TMOD1: variants seen among roughly 807,000 people sequenced by gnomAD.
TMOD1 encodes tropomodulin-1.
TMOD1 carries 17 observed loss-of-function variants against 40.6 expected under a neutral mutation model. The ratio of observed to expected loss-of-function variants is 0.42; its 90% CI spans 0.29 to 0.63. The LOEUF is 0.63. TMOD1 is among the 20% of genes least tolerant of loss of function. The pLI, the probability that TMOD1 is intolerant of heterozygous loss-of-function variation, is 0.22. For synonymous variants in TMOD1, 181 were observed against 175.0 expected, an observed-to-expected ratio of 1.03 and a Z score of -0.27; for missense variants, 391 against 447.6, an observed-to-expected ratio of 0.87 and a Z score of 1.14.
At chr9:97,560,179 T>C (rs993819397) in intron 4 of TMOD1, among the ~76,000 whole-genome samples, 6 of 152,040 alleles carry the variant, frequency 3.9e-5, no homozygotes, top group African/African-American at 1.5e-4. Context: ...AATACCGTAT[T>C]CAGGGAGAGG....
At position 97,557,188 on chromosome 9, in the gene TMOD1, G is replaced by A. The variant is rs1192935165; in HGVS notation, c.397+3788G>A. On this transcript the variant is annotated intron_variant, in intron 4 of 9. Coordinates refer to ENST00000259365, the MANE Select transcript of TMOD1 (RefSeq NM_003275.4). This position sits in a 1 kb window ranked among gnomAD's most constrained non-coding sequence, Gnocchi z 4.4. ...TTAAAATCTTTTATCACTTCAACAT[G>A]TAGATTTCAACATTAAAAGCGTCCC... Among the ~76,000 whole-genome samples, 3 of 152,122 alleles carry A rather than the reference G, an allele frequency of 2.0e-5. No individual in the cohort carries two copies. Among genetic ancestry groups the A allele is most frequent in the Non-Finnish European group, 1.5e-5 (1 of 68,026 alleles).
At chr9:97,545,105 C>T (rs1007504289) in intron 2 of TMOD1, among the ~76,000 whole-genome samples, 16 of 152,158 alleles carry the variant, frequency 1.1e-4, no homozygotes, top group African/African-American at 3.4e-4. Context: ...CCCATACCAG[C>T]CACCCATGTA....
At position 97,553,344 on chromosome 9, in the gene TMOD1, C is replaced by T. The variant is rs760447981; in HGVS notation, c.341C>T (p.Pro114Leu). ...DPVLESVTLE[P>L]ELEEALANAS... is the part of the protein sequence containing the mutation. ...GTGCTGGAAAGTGTGACGCTGGAACCGGAGCTGGAGGAAGCCTTGGCAAAT... is the reference window on the plus strand; with the variant it reads ...GTGCTGGAAAGTGTGACGCTGGAACTGGAGCTGGAGGAAGCCTTGGCAAAT... The change falls in exon 4 of 10, where the codon CCG (proline) becomes CTG (leucine). Residue 114 changes from proline (P) to leucine (L), a missense_variant. Coordinates refer to ENST00000259365, the MANE Select transcript of TMOD1 (RefSeq NM_003275.4). 15 of 1,614,060 alleles carry T rather than the reference C, an allele frequency of 9.3e-6. No individual in the cohort carries two copies. Among genetic ancestry groups the T allele is most frequent in the African/African-American group, 2.7e-5 (2 of 74,914 alleles).
At chr9:97,508,246 TGGG>T (rs939993287) in intron 1 of TMOD1, among the ~76,000 whole-genome samples, 6 of 152,068 alleles carry the variant, frequency 3.9e-5, no homozygotes, top group African/African-American at 1.2e-4. Context: ...TGGAGGGCAG[TGGG>T]GCGATCTCAG....
At chr9:97,584,392 A>G (rs1407617873) in intron 8 of TMOD1, among the ~76,000 whole-genome samples, 2 of 150,842 alleles carry the variant, frequency 1.3e-5, no homozygotes, top group Non-Finnish European at 3.0e-5. Context: ...CTGTTCTTTT[A>G]CATTTGCTGA....
chr9:97,564,102 G>A lies in TMOD1; in HGVS notation c.552G>A (p.Glu184=). Reference sequence around the variant, plus strand: ...AAGAACCAAATTCAACAGACGTAGAGGAAACGCTGGAACGGATAAAGAACA... The same window carrying A: ...AAGAACCAAATTCAACAGACGTAGAAGAAACGCTGGAACGGATAAAGAACA... ...PDEEPNSTDV[E]ETLERIKNND... The change falls in exon 6 of 10, where the codon GAG becomes GAA. Residue 184 remains glutamate, a synonymous_variant. Coordinates refer to ENST00000259365, the MANE Select transcript of TMOD1 (RefSeq NM_003275.4). 1 of 1,614,100 alleles carries A rather than the reference G, an allele frequency of 6.2e-7. No individual in the cohort carries two copies. Among genetic ancestry groups the A allele is most frequent in the Non-Finnish European group, 8.5e-7 (1 of 1,180,002 alleles).
chr9:97,579,757 G>A (rs1472206998), intron 8 of TMOD1, among the ~76,000 whole-genome samples: 1 of 152,214 alleles, frequency 6.6e-6, no homozygotes, highest in African/African-American at 2.4e-5. Context: ...AGAGGCAGGT[G>A]ACCCAAGTAA....
At position 97,557,456 on chromosome 9, in the gene TMOD1, C is replaced by A. The variant is rs1439670024; in HGVS notation, c.397+4056C>A. ...AGATGGGACAGCCTCGGGCCACTCACCCCCAAGGGCAGTTGGCAACCTGGG... is the reference window on the plus strand; with the variant it reads ...AGATGGGACAGCCTCGGGCCACTCAACCCCAAGGGCAGTTGGCAACCTGGG... On this transcript the variant is annotated intron_variant, in intron 4 of 9. Coordinates refer to ENST00000259365, the MANE Select transcript of TMOD1 (RefSeq NM_003275.4). The surrounding 1 kb of genome is among the most constrained non-coding windows in gnomAD (Gnocchi z 4.4). Among the ~76,000 whole-genome samples the A allele has an allele frequency of 6.6e-6, 1 of 152,142 alleles. No individual in the cohort carries two copies. Among genetic ancestry groups the A allele is most frequent in the Non-Finnish European group, 1.5e-5 (1 of 68,020 alleles).
At chr9:97,568,525 G>A (rs554346452) in intron 7 of TMOD1, among the ~76,000 whole-genome samples, 1 of 152,284 alleles carries the variant, frequency 6.6e-6, no homozygotes, top group East Asian at 1.9e-4. Context: ...CAGGGAAGCA[G>A]AAAGGGAAGG....
intron 7 of TMOD1, among the ~76,000 whole-genome samples, 170 bp downstream of exon 7, chr9:97,566,125 G>A (rs1195620327): frequency 6.6e-6 from 1 of 152,052 alleles, no homozygotes; most frequent in Non-Finnish European, 1.5e-5. Context: ...GCCATCACCT[G>A]GCACCACCTA....
At chr9:97,581,516 G>A (rs994979778) in intron 8 of TMOD1, among the ~76,000 whole-genome samples, 5 of 151,982 alleles carry the variant, frequency 3.3e-5, no homozygotes, top group Admixed American at 2.0e-4. Flanking sequence ...ACCCAGTGAT[G>A]GGATGGCTGG....
chr9:97,564,469 C>T (rs1275213799), intron 6 of TMOD1, among the ~76,000 whole-genome samples: 2 of 152,208 alleles, frequency 1.3e-5, no homozygotes, highest in East Asian at 1.9e-4. Flanking sequence ...ATTCAAAACA[C>T]TGAGAGATTC....
At chr9:97,540,105 C>T (rs1009089714) in intron 2 of TMOD1, among the ~76,000 whole-genome samples, 3 of 152,136 alleles carry the variant, frequency 2.0e-5, no homozygotes, top group African/African-American at 7.2e-5. Flanking sequence ...TTCATCACCT[C>T]AAAAAGAAAC....
At chr9:97,577,088 A>C (rs538605346) in intron 8 of TMOD1, among the ~76,000 whole-genome samples, 18 of 149,504 alleles carry the variant, frequency 1.2e-4, no homozygotes, top group Non-Finnish European at 2.4e-4. Context: ...TTCTCAAGCA[A>C]ATCTGAAGGA....
At chr9:97,528,124 C>T (rs116824829) in intron 2 of TMOD1, among the ~76,000 whole-genome samples, 302 of 152,200 alleles carry the variant, frequency 2.0e-3, no homozygotes, top group African/African-American at 6.5e-3. Flanking sequence ...AGCAAATACC[C>T]AGGGCCCTGC....
At chr9:97,590,297 C>T (rs1164442178) in intron 8 of TMOD1, among the ~76,000 whole-genome samples, 4 of 152,030 alleles carry the variant, frequency 2.6e-5, no homozygotes, top group Middle Eastern at 6.8e-3. Context: ...AATTTCGGCT[C>T]GCTGCAAACT....
At position 97,559,813 on chromosome 9, in the gene TMOD1, ATATATATATATGTCTATCTATCTATC is replaced by A. The variant is rs1238252559; in HGVS notation, c.398-2915_398-2890del. Among the ~76,000 whole-genome samples, 43 of 61,078 alleles carry A rather than the reference ATATATATATATGTCTATCTATCTATC, an allele frequency of 7.0e-4. 3 individuals are homozygous for A. The East Asian group carries it at 9.3e-3, about 13-fold the overall frequency. The allele number at this position is 61,078 out of a possible 152,430, so 40.1% of individuals were successfully genotyped here. On this transcript the variant is annotated intron_variant, in intron 4 of 9. Coordinates refer to ENST00000259365, the MANE Select transcript of TMOD1 (RefSeq NM_003275.4). ...AAAAAAAATATATATATATATATAT[ATATATATATATGTCTATCTATCTATC>A]TATCTATCTATCTCCAGAGATTCTG...
At position 97,502,431 on chromosome 9, in the gene TMOD1, G is replaced by A. The variant is rs1193415215; in HGVS notation, c.-49+628G>A. On this transcript the variant is annotated intron_variant, in intron 1 of 9. Coordinates refer to ENST00000259365, the MANE Select transcript of TMOD1 (RefSeq NM_003275.4). The surrounding 1 kb of genome is among the most constrained non-coding windows in gnomAD (Gnocchi z 6.1). ...CAAGTGGAGCTGGAAAGAGCTTGGA[G>A]GCGGGAGCCCCAGGTTGTCGCCGGC... Among the ~76,000 whole-genome samples the A allele has an allele frequency of 1.3e-5, 2 of 152,242 alleles. No individual in the cohort carries two copies. The highest frequency in any genetic ancestry group is 2.9e-5 in the Non-Finnish European group (2 of 68,042).
At chr9:97,550,847 T>G (rs887035913) in intron 3 of TMOD1, among the ~76,000 whole-genome samples, 1 of 151,944 alleles carries the variant, frequency 6.6e-6, no homozygotes, top group African/African-American at 2.4e-5. Context: ...GATAGTATCC[T>G]TAGATGCTCA....
Sources: allele counts gnomAD v4.1 joint callset (sites outside exome capture counted in the v4.1 genomes callset), GRCh38; gene constraint gnomAD v4.1.1; non-coding constraint Gnocchi (gnomAD v3.1); transcripts MANE v1.5; gene names NCBI Gene and HGNC (gene_info 2026-07-23, HGNC 2026-07-21).